CCDC85C: variants seen among roughly 807,000 people sequenced by gnomAD.
CCDC85C encodes the protein coiled-coil domain containing 85C, also known as coiled-coil domain-containing protein 85C.
A neutral mutation model predicts 38.3 loss-of-function variants in CCDC85C; 18 were observed. The observed-to-expected ratio is 0.47, with a 90% CI of 0.33 to 0.70. The LOEUF (loss-of-function observed/expected upper bound fraction) is 0.70. Ranked by LOEUF, CCDC85C falls within the 30% of genes least tolerant of loss-of-function variation. The pLI is 0.03. For missense variants in CCDC85C, 566 were observed against 621.2 expected, an observed-to-expected ratio of 0.91 and a Z score of 0.94; for synonymous variants, 264 against 293.8, an observed-to-expected ratio of 0.90 and a Z score of 1.04.
chr14:99,546,304 G>C (rs968701768), intron 1 of CCDC85C, among the ~76,000 whole-genome samples: 6 of 152,008 alleles, frequency 3.9e-5, no homozygotes, highest in Admixed American at 6.5e-5. Flanking sequence ...AAGAACAGTG[G>C]GGAGGCGTGG....
intron 1 of CCDC85C, among the ~76,000 whole-genome samples, chr14:99,566,340 G>C (rs1898215687): frequency 6.6e-6 from 1 of 152,196 alleles, no homozygotes; most frequent in South Asian, 2.1e-4. Flanking sequence ...TTTTACAGGT[G>C]GGGAAACCGA....
rs1897782709 is a variant in CCDC85C at position 99,545,105 on chromosome 14, C to T, written c.794-9017G>A. Among the ~76,000 whole-genome samples the T allele has an allele frequency of 6.6e-6, 1 of 152,166 alleles. No homozygotes were observed. The highest frequency in any genetic ancestry group is 1.5e-5 in the Non-Finnish European group (1 of 68,038). On this transcript the variant is annotated intron_variant, in intron 1 of 5. Coordinates refer to ENST00000380243, the MANE Select transcript of CCDC85C (RefSeq NM_001144995.2). The surrounding 1 kb of genome is among the most constrained non-coding windows in gnomAD (Gnocchi z 4.7). ...GAGAATGAAATCTCCTGGTGCTGGCCGGTCAGCCTTCCCCAGTGAGTGCAC... is the reference window on the plus strand; with the variant it reads ...GAGAATGAAATCTCCTGGTGCTGGCTGGTCAGCCTTCCCCAGTGAGTGCAC...
chr14:99,596,629 A>G (rs538244716), intron 1 of CCDC85C, among the ~76,000 whole-genome samples: 20 of 152,324 alleles, frequency 1.3e-4, no homozygotes, highest in African/African-American at 4.6e-4. Context: ...TGAGTGTCCA[A>G]TCCTGGGTGC....
intron 1 of CCDC85C, among the ~76,000 whole-genome samples, chr14:99,566,497 G>A (rs1331612197): frequency 2.0e-5 from 3 of 152,086 alleles, no homozygotes; most frequent in Admixed American, 6.5e-5. Context: ...CCCTCCATCC[G>A]GAGAGGTGGG....
rs373546702 is a variant in CCDC85C, at chr14:99,529,425, T to C, written c.867+6590A>G. On this transcript the variant is annotated intron_variant, in intron 2 of 5. Coordinates refer to ENST00000380243, the MANE Select transcript of CCDC85C (RefSeq NM_001144995.2). ...GTTTTGTTTTATTTTGTTTTTGAGA[T>C]GAAGTTTCACTCTGTCACCCAGGCT... is the stretch of plus-strand genomic sequence containing the variant. 3.4e-4 allele frequency among the ~76,000 whole-genome samples: 52 copies of C among 152,256 alleles called. No homozygotes were observed. The East Asian group carries it at 0.01, about 29-fold the overall frequency.
At chr14:99,579,952 T>C (rs890228187) in intron 1 of CCDC85C, 16 of 423,800 alleles carry the variant, frequency 3.8e-5, no homozygotes, top group Non-Finnish European at 7.1e-5. Context: ...TTTGGGAGTC[T>C]TGGCCAGGGT....
At chr14:99,563,879 A>G (rs902222111) in intron 1 of CCDC85C, among the ~76,000 whole-genome samples, 1 of 152,092 alleles carries the variant, frequency 6.6e-6, no homozygotes, top group Non-Finnish European at 1.5e-5. Flanking sequence ...CCTCCAGGGT[A>G]TGTGGGGCAG....
intron 1 of CCDC85C, among the ~76,000 whole-genome samples, chr14:99,565,983 A>AG (rs1293924693): frequency 6.6e-6 from 1 of 152,210 alleles, no homozygotes; most frequent in Admixed American, 6.5e-5. Flanking sequence ...AGGCACAATG[A>AG]GCTGTCGTAA....
At chr14:99,561,111 C>T (rs1595086531) in intron 1 of CCDC85C, among the ~76,000 whole-genome samples, 1 of 152,346 alleles carries the variant, frequency 6.6e-6, no homozygotes, top group African/African-American at 2.4e-5. Context: ...AAGCCCCACC[C>T]ACTACGTGCA....
In CCDC85C at chr14:99,603,113, G is replaced by C. The variant is rs538061490; in HGVS notation, c.793+54C>G. On this transcript the variant is annotated intron_variant, in intron 1 of 5. Transcript: ENST00000380243. The surrounding 1 kb of genome is among the most constrained non-coding windows in gnomAD (Gnocchi z 7.5). ...GACCACCTCCTCTCGCCGCAGCCTG[G>C]GAAAAGGGCTGCAGCCAGGGAGACC... 8.6e-6 allele frequency: 11 copies of C among 1,281,378 alleles called. No homozygotes were observed. The South Asian group carries it at 2.7e-4, about 31-fold the overall frequency. 79.4% of individuals were successfully genotyped at this position (1,281,378 alleles called of 1,614,324 possible). A position where few individuals can be genotyped will look rare whatever the true frequency, so the allele number is the denominator to read the frequency against.
chr14:99,560,625 C>T (rs896695627), intron 1 of CCDC85C, among the ~76,000 whole-genome samples: 7 of 152,370 alleles, frequency 4.6e-5, no homozygotes, highest in South Asian at 4.1e-4. Context: ...CATTCAAATG[C>T]CACTGGAGGA....
chr14:99,510,806 T>G lies in CCDC85C; in HGVS notation c.*4440A>C. On this transcript the variant is annotated 3_prime_UTR_variant, in exon 6 of 6. Coordinates refer to ENST00000380243, the MANE Select transcript of CCDC85C (RefSeq NM_001144995.2). Reference sequence around the variant, plus strand: ...AACGTGAGCCTTTTTTCCCTCTTTGTTTTTTTAACAAGATTTTCTAATCGA... The same window carrying G: ...AACGTGAGCCTTTTTTCCCTCTTTGGTTTTTTAACAAGATTTTCTAATCGA... The G allele has an allele frequency of 7.1e-7, 1 of 1,408,290 alleles. No homozygotes were observed. Among genetic ancestry groups the G allele is most frequent in the Non-Finnish European group, 9.3e-7 (1 of 1,080,332 alleles). 87.2% of individuals were successfully genotyped at this position (1,408,290 alleles called of 1,614,324 possible).
At chr14:99,571,462 C>T (rs1276938958) in intron 1 of CCDC85C, among the ~76,000 whole-genome samples, 7 of 152,166 alleles carry the variant, frequency 4.6e-5, no homozygotes, top group South Asian at 4.1e-4. Flanking sequence ...ACAGCCGTGC[C>T]GTTCTGTAGG....
chr14:99,561,184 C>T (rs1318366915), intron 1 of CCDC85C, among the ~76,000 whole-genome samples: 1 of 152,208 alleles, frequency 6.6e-6, no homozygotes, highest in African/African-American at 2.4e-5. Context: ...CCGTAGCGGC[C>T]CTGGCTTCCT....
rs1897124779 is a variant in CCDC85C at position 99,511,288 on chromosome 14, TA to T, written c.*3957del. ...TTATAGATGTTTGCATCCTTTGTAT[TA>T]AAATTATTTTGAAGGGGTTGCCTCA... On this transcript the variant is annotated 3_prime_UTR_variant, in exon 6 of 6. Coordinates refer to ENST00000380243, the MANE Select transcript of CCDC85C (RefSeq NM_001144995.2). The T allele has an allele frequency of 6.6e-6, 1 of 152,080 alleles. No homozygotes were observed. The highest frequency in any genetic ancestry group is 1.5e-5 in the Non-Finnish European group (1 of 68,042). The allele number at this position is 152,080 out of a possible 1,614,324, so 9.4% of individuals were successfully genotyped here. A position where few individuals can be genotyped will look rare whatever the true frequency, so the allele number is the denominator to read the frequency against.
At chr14:99,551,201 G>A (rs1897899538) in intron 1 of CCDC85C, among the ~76,000 whole-genome samples, 1 of 152,232 alleles carries the variant, frequency 6.6e-6, no homozygotes, top group Non-Finnish European at 1.5e-5. Context: ...TGGGGTGAGG[G>A]TCACAGCGTA....
intron 2 of CCDC85C, among the ~76,000 whole-genome samples, chr14:99,534,215 C>T (rs1434936374): frequency 2.0e-5 from 3 of 152,036 alleles, no homozygotes; most frequent in African/African-American, 4.8e-5. Context: ...ACTAGCCAGG[C>T]GTGGTGGCTC....
chr14:99,595,071 T>C (rs1371773242), intron 1 of CCDC85C, among the ~76,000 whole-genome samples: 1 of 152,142 alleles, frequency 6.6e-6, no homozygotes, highest in Non-Finnish European at 1.5e-5. Context: ...AAGCCCAACC[T>C]AGGGACTTCA....
intron 1 of CCDC85C, among the ~76,000 whole-genome samples, chr14:99,577,424 C>T (rs1443856681): frequency 6.9e-6 from 1 of 144,482 alleles, no homozygotes; most frequent in African/African-American, 2.5e-5. Flanking sequence ...GTGGGACAGA[C>T]AGGGAGGCCC....
Sources: allele counts gnomAD v4.1 joint callset (sites outside exome capture counted in the v4.1 genomes callset), GRCh38; gene constraint gnomAD v4.1.1; non-coding constraint Gnocchi (gnomAD v3.1); transcripts MANE v1.5; gene names NCBI Gene and HGNC (gene_info 2026-07-23, HGNC 2026-07-21).